Variants in ATP2C2 observed in about 807,000 individuals in gnomAD.
ATP2C2 encodes ATPase secretory pathway Ca2+ transporting 2, also known as calcium-transporting ATPase type 2C member 2.
In ATP2C2, 171 loss-of-function variants were observed where a neutral mutation model predicts 110.8. That is an observed-to-expected ratio of 1.54 (90% confidence interval 1.36 to 1.75). The LOEUF (loss-of-function observed/expected upper bound fraction) is 1.75. Ranked by LOEUF, ATP2C2 falls within the 40% of genes most tolerant of loss-of-function variation. The pLI is 0.00. For missense variants in ATP2C2, 1,963 were observed against 1,235.0 expected (o/e 1.59, Z -8.84); for synonymous variants, 804 against 508.4 (o/e 1.58, Z -7.82).
chr16:84,419,705 C>A (rs1402152695), intron 7 of ATP2C2, among the ~76,000 whole-genome samples: 1 of 152,150 alleles, frequency 6.6e-6, no homozygotes, highest in Admixed American at 6.5e-5. Flanking sequence ...ACAAGTGTTT[C>A]CTGAGCACCT....
intron 1 of ATP2C2, among the ~76,000 whole-genome samples, chr16:84,374,765 G>C (rs1910156316): frequency 6.6e-6 from 1 of 152,158 alleles, no homozygotes; most frequent in African/African-American, 2.4e-5. Context: ...GAGAACACAG[G>C]CAGCTGCTAT....
In ATP2C2 at chr16:84,425,720, T is replaced by C. The variant is rs1004590003; in HGVS notation, c.920-15T>C. 7.2e-5 allele frequency: 116 copies of C among 1,613,502 alleles called. No homozygotes were observed. Among genetic ancestry groups the C allele is most frequent in the Non-Finnish European group, 9.6e-5 (113 of 1,179,562 alleles). ...AGTGCATATGGAGATAAGGATGTTT[T>C]TGTCTCTTCCCCAGGTCTCATCATG... On this transcript the variant is annotated splice_polypyrimidine_tract_variant and intron_variant, in intron 10 of 26. Transcript: ENST00000262429.
At chr16:84,422,748 T>C in intron 9 of ATP2C2, 51 bp downstream of exon 9, 1 of 1,539,570 alleles carries the variant, frequency 6.5e-7, no homozygotes, top group Non-Finnish European at 8.8e-7. Flanking sequence ...AGTTTGAGAT[T>C]ATTATAGGCA....
chr16:84,396,223 C>CGTGT (rs10571889), intron 1 of ATP2C2, among the ~76,000 whole-genome samples: 6,010 of 150,578 alleles, frequency 0.04, 357 homozygotes, highest in African/African-American at 0.13. Flanking sequence ...AAGCATCGGG[C>CGTGT]GTGTGTGTGT....
At chr16:84,421,254 G>C (rs1206460774) in intron 7 of ATP2C2, among the ~76,000 whole-genome samples, 1 of 152,256 alleles carries the variant, frequency 6.6e-6, no homozygotes, top group East Asian at 1.9e-4. Flanking sequence ...AGGTGGGAAT[G>C]TGACTGCGCA....
At chr16:84,427,128 C>T (rs527496522) in intron 11 of ATP2C2, among the ~76,000 whole-genome samples, 1 of 152,168 alleles carries the variant, frequency 6.6e-6, no homozygotes, top group Non-Finnish European at 1.5e-5. Flanking sequence ...GACAGTAACG[C>T]ACACGCAGCT....
In ATP2C2 at chr16:84,415,537, TGTC is replaced by T; in HGVS notation, c.573_575del (p.Val192del). 3 of 1,614,198 alleles carry T rather than the reference TGTC, an allele frequency of 1.9e-6. No homozygotes were observed. Among genetic ancestry groups the T allele is most frequent in the Non-Finnish European group, 2.5e-6 (3 of 1,180,018 alleles). ...TTGCTCGAGAACTGGTTCCTGGTGA[TGTC>T]GTATCTCTCTCGATCGGAGACCGGA... is the stretch of plus-strand genomic sequence containing the variant. On this transcript the variant is annotated inframe_deletion, in exon 7 of 27. Coordinates refer to ENST00000262429, the MANE Select transcript of ATP2C2 (RefSeq NM_014861.4).
intron 1 of ATP2C2, among the ~76,000 whole-genome samples, chr16:84,397,081 G>A (rs1291667305): frequency 2.6e-5 from 4 of 151,842 alleles, no homozygotes; most frequent in African/African-American, 9.7e-5. Flanking sequence ...GGTGGAAAAG[G>A]AAAAGATGAT....
In ATP2C2 at chr16:84,423,200, C is replaced by G. The variant is rs901392520; in HGVS notation, c.856C>G (p.Pro286Ala). ...MMQAEETPKT[P>A]LQKSMDRLGK... ...CTCACCCTTTCAGACACCTAAAACT[C>G]CTTTGCAGAAAAGCATGGACAGGCT... The change falls in exon 10 of 27, where the codon CCT (proline) becomes GCT (alanine). Residue 286 changes from proline (P) to alanine (A), a missense_variant. Physicochemically the swap from Pro to Ala is conservative, Grantham distance 27. Transcript: ENST00000262429. 6.2e-7 allele frequency: 1 copy of G among 1,614,078 alleles called. No homozygotes were observed. The highest frequency in any genetic ancestry group is 8.5e-7 in the Non-Finnish European group (1 of 1,179,972).
Position 84,432,565 on chromosome 16 carries a change from G to C in ATP2C2, c.987-6601G>C, listed in dbSNP as rs180833587. 4.3e-3 allele frequency among the ~76,000 whole-genome samples: 660 copies of C among 152,084 alleles called. 3 individuals carry two copies. The highest frequency in any genetic ancestry group is 0.015 in the African/African-American group (623 of 41,458). ...TTGAGATGGAGTCTTGCTCTGTCCA[G>C]GCTGGAGTGCAGTGGCGTGATCTTG... On this transcript the variant is annotated intron_variant, in intron 11 of 26. Transcript: ENST00000262429.
rs1910976324 is a variant in ATP2C2 at position 84,459,062 on chromosome 16, A to G, written c.2148-58A>G. 2.5e-6 allele frequency: 4 copies of G among 1,584,892 alleles called. No individual in the cohort carries two copies. The Admixed American group carries it at 5.0e-5, about 20-fold the overall frequency. On this transcript the variant is annotated intron_variant, in intron 21 of 26. Coordinates refer to ENST00000262429, the MANE Select transcript of ATP2C2 (RefSeq NM_014861.4). ...CACTGCCCCTTGCAGCAACCGATGC[A>G]CTGGTCCAGCCCTCACGCAGGCCCG...
chr16:84,415,634 C>T, intron 7 of ATP2C2, 43 bp downstream of exon 7: 1 of 1,519,410 alleles, frequency 6.6e-7, no homozygotes, highest in Non-Finnish European at 9.0e-7. Context: ...TTTGATGGAG[C>T]TGGTCAAGGA....
At chr16:84,402,411 A>C (rs766379221) in intron 2 of ATP2C2, among the ~76,000 whole-genome samples, 1 of 152,220 alleles carries the variant, frequency 6.6e-6, no homozygotes, top group Non-Finnish European at 1.5e-5. Flanking sequence ...TCAGTTTTTC[A>C]TCATTCAATA....
chr16:84,425,849 CTCT>C (rs1399892237), intron 11 of ATP2C2, 48 bp downstream of exon 11: 9 of 1,589,968 alleles, frequency 5.7e-6, no homozygotes, highest in Non-Finnish European at 7.8e-6. Flanking sequence ...GGTCAATGGG[CTCT>C]GAGCCCTTCC....
chr16:84,455,080 C>T (rs967106971), intron 21 of ATP2C2, 96 bp downstream of exon 21: 2 of 1,352,568 alleles, frequency 1.5e-6, no homozygotes, highest in South Asian at 1.4e-5. Flanking sequence ...AGGGGGGGGT[C>T]TCGCGGAGTC....
At chr16:84,372,171 T>C (rs1314259119) in intron 1 of ATP2C2, among the ~76,000 whole-genome samples, 1 of 152,050 alleles carries the variant, frequency 6.6e-6, no homozygotes, top group African/African-American at 2.4e-5. Flanking sequence ...TGGGGGATCG[T>C]TGAAGGGTTT....
intron 18 of ATP2C2, among the ~76,000 whole-genome samples, chr16:84,452,825 C>G (rs953530014): frequency 1.3e-5 from 2 of 152,092 alleles, no homozygotes; most frequent in Non-Finnish European, 2.9e-5. Context: ...TATGGGTGGT[C>G]TCAGCCTGGT....
chr16:84,399,367 G>C (rs1007884821), intron 2 of ATP2C2, among the ~76,000 whole-genome samples: 1 of 152,150 alleles, frequency 6.6e-6, no homozygotes, highest in Non-Finnish European at 1.5e-5. Context: ...TCCCTAGCTA[G>C]AAAATGAGCT....
chr16:84,408,558 G>A (rs1905989968), intron 4 of ATP2C2, 64 bp downstream of exon 4: 7 of 1,321,984 alleles, frequency 5.3e-6, no homozygotes, highest in East Asian at 2.4e-5. Flanking sequence ...GTCTCTGCTT[G>A]TTATTGTATA....
Sources: allele counts gnomAD v4.1 joint callset (sites outside exome capture counted in the v4.1 genomes callset), GRCh38; gene constraint gnomAD v4.1.1; transcripts MANE v1.5; gene names NCBI Gene and HGNC (gene_info 2026-07-23, HGNC 2026-07-21).